CELF2: variants seen among roughly 807,000 people sequenced by gnomAD.
The protein encoded by CELF2 is CUGBP Elav-like family member 2.
A neutral mutation model predicts 62.6 loss-of-function variants in CELF2; 8 were observed. The ratio of observed to expected loss-of-function variants is 0.13; its 90% CI spans 0.07 to 0.23. The LOEUF (loss-of-function observed/expected upper bound fraction) is 0.23. CELF2 is among the 10% of genes least tolerant of loss of function. The pLI is 1.00. For missense variants in CELF2, 333 were observed against 671.0 expected (o/e 0.50, Z 5.56); for synonymous variants, 258 against 250.0 (o/e 1.03, Z -0.30).
the CELF2 span, among the ~76,000 whole-genome samples, chr10:10,691,689 G>T: frequency 6.8e-6 from 1 of 147,250 alleles, no homozygotes; most frequent in Admixed American, 6.7e-5. Context: ...ACTTTTTAAT[G>T]ATAGCCATTC....
chr10:10,716,236 A>G, the CELF2 span, among the ~76,000 whole-genome samples: 1 of 152,202 alleles, frequency 6.6e-6, no homozygotes, highest in South Asian at 2.1e-4. Context: ...ACATATAATA[A>G]GTACTTACTG....
At chr10:10,660,679 A>T in the CELF2 span, among the ~76,000 whole-genome samples, 1 of 152,362 alleles carries the variant, frequency 6.6e-6, no homozygotes, top group African/African-American at 2.4e-5. Flanking sequence ...CAGTACCTGC[A>T]ATGCCATAAG....
chr10:10,990,576 T>G lies in CELF2; in HGVS notation c.89+70577T>G, dbSNP rs1466442055. Among the ~76,000 whole-genome samples, 1 of 152,192 alleles carries G rather than the reference T, an allele frequency of 6.6e-6. No homozygotes were observed. Among genetic ancestry groups the G allele is most frequent in the Non-Finnish European group, 1.5e-5 (1 of 68,026 alleles). On this transcript the variant is annotated intron_variant, in intron 2 of 13. Transcript: ENST00000636488. The surrounding 1 kb of genome is among the most constrained non-coding windows in gnomAD (Gnocchi z 4.6). ...GGCATCTAAATTAAGAGTCTTTCAA[T>G]GGTAAAGTTTTAGTAGTATAATAGT...
intron 1 of CELF2, among the ~76,000 whole-genome samples, chr10:10,878,192 G>T (rs1035119347): frequency 6.6e-6 from 1 of 152,130 alleles, no homozygotes; most frequent in Admixed American, 6.5e-5. Flanking sequence ...TCTATTAGAT[G>T]ACTCTAATAG....
chr10:10,767,055 C>T, the CELF2 span, among the ~76,000 whole-genome samples: 1 of 152,142 alleles, frequency 6.6e-6, no homozygotes, highest in Non-Finnish European at 1.5e-5. Flanking sequence ...AGGACATTTT[C>T]CTTCATCGCC....
At chr10:10,496,571 G>A in the CELF2 span, among the ~76,000 whole-genome samples, 1 of 152,164 alleles carries the variant, frequency 6.6e-6, no homozygotes, top group Non-Finnish European at 1.5e-5. Context: ...ATGGAGGGTG[G>A]ATGAATACAA....
intron 1 of CELF2, among the ~76,000 whole-genome samples, chr10:11,101,691 T>C (rs1027067963): frequency 2.6e-5 from 4 of 152,214 alleles, no homozygotes; most frequent in Admixed American, 2.0e-4. Flanking sequence ...GGCTGACTGG[T>C]AGGTTTTTAC....
Position 11,306,918 on chromosome 10 carries a change from G to A in CELF2, c.977-7221G>A, listed in dbSNP as rs1220424910. ...GATTCATTGTCATCAATAACAAAAG[G>A]GGCCCAGGGAGTTTCTAGGCCGCCT... On this transcript the variant is annotated intron_variant, in intron 9 of 12. Coordinates refer to ENST00000633077, the MANE Select transcript of CELF2 (RefSeq NM_001326342.2). This position sits in a 1 kb window ranked among gnomAD's most constrained non-coding sequence, Gnocchi z 4.4. 6.6e-6 allele frequency among the ~76,000 whole-genome samples: 1 copy of A among 152,152 alleles called. No homozygotes were observed. The highest frequency in any genetic ancestry group is 1.5e-5 in the Non-Finnish European group (1 of 68,028).
At chr10:10,673,743 T>G in the CELF2 span, among the ~76,000 whole-genome samples, 1 of 152,196 alleles carries the variant, frequency 6.6e-6, no homozygotes, top group Non-Finnish European at 1.5e-5. Flanking sequence ...GTTTTCATTT[T>G]CATTTGGCTC....
chr10:11,188,473 A>C (rs534746159), intron 2 of CELF2, among the ~76,000 whole-genome samples: 9 of 152,302 alleles, frequency 5.9e-5, no homozygotes, highest in African/African-American at 2.2e-4. Context: ...AGTATGTTAA[A>C]GACATTGCTT....
chr10:10,599,667 G>A, the CELF2 span, among the ~76,000 whole-genome samples: 1 of 151,550 alleles, frequency 6.6e-6, no homozygotes, highest in Non-Finnish European at 1.5e-5. Flanking sequence ...CACCTGCGAC[G>A]TGTTTTTAAT....
intron 1 of CELF2, among the ~76,000 whole-genome samples, chr10:11,058,760 G>T (rs964194998): frequency 6.6e-6 from 1 of 151,712 alleles, no homozygotes; most frequent in Admixed American, 6.6e-5. Context: ...GACCCACCGC[G>T]CCCGGGCTTT....
At chr10:10,549,958 G>A in the CELF2 span, among the ~76,000 whole-genome samples, 1 of 152,158 alleles carries the variant, frequency 6.6e-6, no homozygotes, top group Non-Finnish European at 1.5e-5. Flanking sequence ...AGGGAGGCAG[G>A]ATTTGTCATG....
rs1421840390 is a variant in CELF2 at position 11,220,187 on chromosome 10, T to A, written c.354+2680T>A. Among the ~76,000 whole-genome samples the A allele has an allele frequency of 6.6e-6, 1 of 152,258 alleles. No homozygotes were observed. The highest frequency in any genetic ancestry group is 2.4e-5 in the African/African-American group (1 of 41,468). On this transcript the variant is annotated intron_variant, in intron 3 of 12. Coordinates refer to ENST00000633077, the MANE Select transcript of CELF2 (RefSeq NM_001326342.2). This position sits in a 1 kb window ranked among gnomAD's most constrained non-coding sequence, Gnocchi z 4.4. ...AAAAAGTCACTTGCTGCCTTTTTTCTAAAGTGTCCAAAACTTTCGATTTAA... is the reference window on the plus strand; with the variant it reads ...AAAAAGTCACTTGCTGCCTTTTTTCAAAAGTGTCCAAAACTTTCGATTTAA...
the CELF2 span, among the ~76,000 whole-genome samples, chr10:10,679,360 G>A: frequency 6.6e-6 from 1 of 152,062 alleles, no homozygotes; most frequent in Non-Finnish European, 1.5e-5. Flanking sequence ...TGTGATCTCG[G>A]CTCACTGCAA....
chr10:10,822,893 C>T (rs1026068954), intron 1 of CELF2, among the ~76,000 whole-genome samples: 1 of 152,210 alleles, frequency 6.6e-6, no homozygotes, highest in Non-Finnish European at 1.5e-5. Flanking sequence ...AGGACTAATG[C>T]ATTCCAAAGA....
chr10:11,267,858 C>T lies in CELF2; in HGVS notation c.618+1181C>T, dbSNP rs528474042. Reference sequence around the variant, plus strand: ...GTCATTCAGTGTTTACTGTACTTTTCTGACTTGTGATACCAGCATTGCAAA... The same window carrying T: ...GTCATTCAGTGTTTACTGTACTTTTTTGACTTGTGATACCAGCATTGCAAA... On this transcript the variant is annotated intron_variant, in intron 6 of 12. Coordinates refer to ENST00000633077, the MANE Select transcript of CELF2 (RefSeq NM_001326342.2). The surrounding 1 kb of genome is among the most constrained non-coding windows in gnomAD (Gnocchi z 4.4). 6.6e-6 allele frequency among the ~76,000 whole-genome samples: 1 copy of T among 152,242 alleles called. No individual in the cohort carries two copies. Among genetic ancestry groups the T allele is most frequent in the Non-Finnish European group, 1.5e-5 (1 of 68,010 alleles).
At position 11,046,653 on chromosome 10, in the gene CELF2, C is replaced by T. The variant is rs74404310; in HGVS notation, c.74+28490C>T. On this transcript the variant is annotated intron_variant, in intron 1 of 12. Transcript: ENST00000633077. The surrounding 1 kb of genome is among the most constrained non-coding windows in gnomAD (Gnocchi z 4.6). ...TACCCTTTCTTTTCCTAACTCATTTCAGACGGACGCTAATAACAGCCCGCA... is the reference window on the plus strand; with the variant it reads ...TACCCTTTCTTTTCCTAACTCATTTTAGACGGACGCTAATAACAGCCCGCA... Among the ~76,000 whole-genome samples the T allele has an allele frequency of 7.6e-3, 1,150 of 152,186 alleles. 15 individuals are homozygous for T. Among genetic ancestry groups the T allele is most frequent in the African/African-American group, 0.027 (1,102 of 41,520 alleles).
At chr10:10,882,774 T>C (rs965289874) in intron 1 of CELF2, among the ~76,000 whole-genome samples, 2 of 152,218 alleles carry the variant, frequency 1.3e-5, no homozygotes, top group African/African-American at 4.8e-5. Context: ...CCTATTATTT[T>C]ATTCTATTAT....
Sources: allele counts gnomAD v4.1 joint callset (sites outside exome capture counted in the v4.1 genomes callset), GRCh38; gene constraint gnomAD v4.1.1; non-coding constraint Gnocchi (gnomAD v3.1); transcripts MANE v1.5; gene names NCBI Gene and HGNC (gene_info 2026-07-23, HGNC 2026-07-21).